The following MGA variants were observed in gnomAD, a reference collection of about 807,000 sequenced individuals.
The protein encoded by MGA is MAX dimerization protein MGA, also known as MAX gene-associated protein.
A neutral mutation model predicts 261.1 loss-of-function variants in MGA; 40 were observed. The observed-to-expected ratio is 0.15, with a 90% CI of 0.12 to 0.20. MGA has a LOEUF of 0.20. Among genes scored for constraint, MGA ranks in the 10% least tolerant of loss-of-function variants. The probability of loss-of-function intolerance (pLI) is 1.00; values close to 1 mark genes in which losing one functional copy is unlikely to be tolerated. For synonymous variants in MGA, 1,302 were observed against 1,290.6 expected, an observed-to-expected ratio of 1.01 and a Z score of -0.19; for missense variants, 3,397 against 3,630.5, an observed-to-expected ratio of 0.94 and a Z score of 1.65.
chr15:41,741,845 G>T (rs1008050433), intron 14 of MGA, among the ~76,000 whole-genome samples: 18 of 151,970 alleles, frequency 1.2e-4, no homozygotes, highest in African/African-American at 3.4e-4. Context: ...CTGAGTAGCT[G>T]GGATTACAGG....
chr15:41,658,534 G>A (rs2057256263), upstream of MGA, among the ~76,000 whole-genome samples: 2 of 152,004 alleles, frequency 1.3e-5, no homozygotes, highest in Non-Finnish European at 2.9e-5. Flanking sequence ...GTGTGTGGTG[G>A]TATGATTATT....
chr15:41,750,662 G>C (rs1196743388), intron 17 of MGA, 47 bp downstream of exon 17: 1 of 1,500,610 alleles, frequency 6.7e-7, no homozygotes, highest in Admixed American at 2.2e-5. Context: ...GGATTTAAAT[G>C]ATTTATTAAA....
chr15:41,635,386 C>T (rs889625865), intron 1 of MGA, among the ~76,000 whole-genome samples: 1 of 144,282 alleles, frequency 6.9e-6, no homozygotes, highest in African/African-American at 2.4e-5. Flanking sequence ...AGATGAGACA[C>T]TAGACAAACA....
chr15:41,691,666 A>G (rs776124898), intron 2 of MGA: 5 of 516,194 alleles, frequency 9.7e-6, no homozygotes, highest in South Asian at 4.3e-5. Context: ...AATGTCTTCA[A>G]TTTTAAAGGC....
intron 5 of MGA, among the ~76,000 whole-genome samples, chr15:41,704,218 A>AT (rs1011506693): frequency 6.0e-5 from 9 of 150,998 alleles, no homozygotes; most frequent in African/African-American, 1.9e-4. Flanking sequence ...TCCTTAAAAT[A>AT]TTTTTTTTTA....
upstream of MGA, among the ~76,000 whole-genome samples, chr15:41,656,897 C>G (rs962584561): frequency 1.3e-5 from 2 of 152,142 alleles, no homozygotes; most frequent in Non-Finnish European, 2.9e-5. Flanking sequence ...TCACTTCAGC[C>G]TCCTGAGTAG....
intron 5 of MGA, among the ~76,000 whole-genome samples, chr15:41,703,814 T>G (rs878919875): frequency 3.9e-5 from 6 of 152,182 alleles, no homozygotes; most frequent in African/African-American, 7.2e-5. Flanking sequence ...GGTTTTTGGT[T>G]GTTGTTTTTG....
intron 2 of MGA, among the ~76,000 whole-genome samples, chr15:41,676,936 C>T (rs1454724935): frequency 1.3e-5 from 2 of 152,176 alleles, no homozygotes; most frequent in African/African-American, 4.8e-5. Flanking sequence ...CTGCTTTCCC[C>T]CCCAAAATCC....
chr15:41,732,747 C>T (rs1052734980), intron 11 of MGA, among the ~76,000 whole-genome samples: 2 of 152,140 alleles, frequency 1.3e-5, no homozygotes. Flanking sequence ...ATTATCTGCT[C>T]AGAACAAAAT....
chr15:41,644,425 G>T (rs1301383477), intron 1 of MGA, among the ~76,000 whole-genome samples: 1 of 151,568 alleles, frequency 6.6e-6, no homozygotes, highest in Non-Finnish European at 1.5e-5. Flanking sequence ...GGAGGCCGAG[G>T]TTGGAGGATC....
At chr15:41,729,946 G>A (rs1362576745) in intron 11 of MGA, among the ~76,000 whole-genome samples, 34 of 152,126 alleles carry the variant, frequency 2.2e-4, no homozygotes, top group Non-Finnish European at 2.9e-5. Flanking sequence ...AGGCTGGAGT[G>A]CAATGGTGTG....
In MGA at chr15:41,749,440, G is replaced by T. The variant is rs1197070960; in HGVS notation, c.5833G>T (p.Ala1945Ser). 4 of 1,613,984 alleles carry T rather than the reference G, an allele frequency of 2.5e-6. No homozygotes were observed. The highest frequency in any genetic ancestry group is 1.6e-4 in the Middle Eastern group (1 of 6,062). Residue 1945 changes from alanine to serine, a missense_variant, in exon 17 of 24, where the codon GCC becomes TCC. Around this residue, in one of 9 missense-constraint regions of MGA, gnomAD observed 1,410 missense variants for 1,386.4 expected, o/e 1.02. Transcript: ENST00000219905. ...TATTCCTCTCCAGTCTGGTAGTTTT[G>T]CCTTGTTACAGCTCCCAGGACAAAA...
intron 2 of MGA, among the ~76,000 whole-genome samples, chr15:41,687,687 T>C (rs2059042597): frequency 1.3e-5 from 2 of 152,370 alleles, no homozygotes; most frequent in African/African-American, 4.8e-5. Flanking sequence ...AAAGAACATA[T>C]GGCTTAAAAC....
At chr15:41,713,809 C>G (rs963032266) in intron 9 of MGA, among the ~76,000 whole-genome samples, 1 of 152,182 alleles carries the variant, frequency 6.6e-6, no homozygotes, top group African/African-American at 2.4e-5. Context: ...TGCACACACA[C>G]ACAGGTAGAC....
intron 5 of MGA, among the ~76,000 whole-genome samples, chr15:41,703,499 A>G (rs1292666674): frequency 6.6e-6 from 1 of 151,528 alleles, no homozygotes; most frequent in Admixed American, 6.6e-5. Context: ...TATCTATATA[A>G]GTTATTTGTA....
At chr15:41,689,250 T>C (rs1313418351) in intron 2 of MGA, among the ~76,000 whole-genome samples, 1 of 151,866 alleles carries the variant, frequency 6.6e-6, no homozygotes, top group Non-Finnish European at 1.5e-5. Flanking sequence ...GTGTGTACCC[T>C]CTCCCTCTCT....
Position 41,764,929 on chromosome 15 carries a change from T to A in MGA, c.7788T>A (p.Leu2596=), listed in dbSNP as rs772126926. ...ACACTCCACACACCTCTGCCAACCTTGTGATGACTCCGCAAGGGCAATTGC... is the reference window on the plus strand; with the variant it reads ...ACACTCCACACACCTCTGCCAACCTAGTGATGACTCCGCAAGGGCAATTGC... Residue 2596 remains leucine (L), a synonymous_variant, in exon 23 of 24, where the codon CTT becomes CTA. Coordinates refer to ENST00000219905, the MANE Select transcript of MGA (RefSeq NM_001164273.2). 1.2e-6 allele frequency: 2 copies of A among 1,613,908 alleles called. No individual in the cohort carries two copies. Among genetic ancestry groups the A allele is most frequent in the Non-Finnish European group, 1.7e-6 (2 of 1,179,898 alleles).
chr15:41,763,267 T>C (rs1489178193), intron 22 of MGA, among the ~76,000 whole-genome samples: 1 of 150,712 alleles, frequency 6.6e-6, no homozygotes, highest in Non-Finnish European at 1.5e-5. Context: ...ACCCGGCTAA[T>C]TTTTTTTGTA....
intron 10 of MGA, 75 bp from the exon 11 acceptor site, chr15:41,729,089 A>C: frequency 7.1e-7 from 1 of 1,407,884 alleles, no homozygotes; most frequent in African/African-American, 1.5e-5. Flanking sequence ...AAAAAAGATT[A>C]AACATTCGTT....
Sources: gnomAD v4.1 joint callset for allele counts (sites outside exome capture counted in the v4.1 genomes callset) on GRCh38, gnomAD v4.1.1 for gene constraint, gnomAD v4.1.1 regional missense constraint, MANE v1.5 for transcripts, NCBI Gene and HGNC (gene_info 2026-07-23, HGNC 2026-07-21) for gene names.